Variants in CLDN14 observed in about 807,000 individuals in gnomAD.
CLDN14 encodes claudin-14.
CLDN14 carries 2 observed loss-of-function variants against 2.1 expected under a neutral mutation model. The observed-to-expected ratio is 0.96, with a 90% CI of 0.39 to 3.01. The LOEUF (loss-of-function observed/expected upper bound fraction) is 3.01, where lower values mean the gene tolerates loss of function less well. Ranked by LOEUF, CLDN14 falls within the 30% of genes most tolerant of loss-of-function variation. CLDN14 has a pLI of 0.09. For synonymous variants in CLDN14, 136 were observed against 154.4 expected (o/e 0.88, Z 0.88); for missense variants, 298 against 328.0 (o/e 0.91, Z 0.71).
rs745441972 is a variant in CLDN14, at chr21:36,461,134, C to T, written c.562G>A (p.Glu188Lys). ...GCCTGGTAGGGCCTGTAGGGTGCCT[C>T]GTCCTGGCAGGACAGGCAAAGCAGG... The part of the protein sequence containing the change: ...GTLLCLSCQD[E>K]APYRPYQAPP... Residue 188 changes from glutamate to lysine, a missense_variant, in exon 2 of 2, where the codon GAG (glutamate) becomes AAG (lysine). Glu to Lys is a moderately conservative substitution (Grantham distance 56). Coordinates refer to ENST00000399135, the MANE Select transcript of CLDN14 (RefSeq NM_001146079.2). The T allele has an allele frequency of 1.2e-5, 19 of 1,613,916 alleles. No individual in the cohort carries two copies. Among genetic ancestry groups the T allele is most frequent in the Middle Eastern group, 3.3e-4 (2 of 6,058 alleles).
intron 1 of CLDN14, among the ~76,000 whole-genome samples, chr21:36,549,783 C>T (rs80302687): frequency 0.017 from 2,529 of 152,318 alleles, 29 homozygotes; most frequent in Non-Finnish European, 0.027. Context: ...GGTCTTCACT[C>T]AAGTGTCACC....
intron 1 of CLDN14, among the ~76,000 whole-genome samples, chr21:36,565,349 C>G (rs1047375139): frequency 4.6e-5 from 7 of 152,168 alleles, no homozygotes; most frequent in Non-Finnish European, 7.3e-5. Flanking sequence ...GTCTCAAACA[C>G]CAGAGCCATT....
rs552554268 is a variant in CLDN14, at chr21:36,463,439, C to T, written c.-81-1663G>A. The stretch of plus-strand genomic sequence containing the variant: ...TTGTCAAGAAATCCCCATCGGGGCT[C>T]GGCGGCTCACGCCTGTAATCCCAGC... On this transcript the variant is annotated intron_variant, in intron 1 of 1. Transcript: ENST00000399135. 1.6e-4 allele frequency among the ~76,000 whole-genome samples: 25 copies of T among 152,314 alleles called. No individual in the cohort carries two copies. In the East Asian group the frequency reaches 4.3e-3, roughly 26 times the overall value.
In CLDN14 at chr21:36,544,762, G is replaced by C. The variant is rs2087515733; in HGVS notation, c.-220+31649C>G. ...ATGGGCAGCGATCACGCTGAAATAT[G>C]ATGACAGGGGCAAGACTGCAAGGAC... On this transcript the variant is annotated intron_variant, in intron 1 of 2. Coordinates refer to the CLDN14 transcript ENST00000342108. This position sits in a 1 kb window ranked among gnomAD's most constrained non-coding sequence, Gnocchi z 4.1. Among the ~76,000 whole-genome samples the C allele has an allele frequency of 2.0e-5, 3 of 152,224 alleles. No individual in the cohort carries two copies. Among genetic ancestry groups the C allele is most frequent in the Admixed American group, 2.0e-4 (3 of 15,292 alleles).
chr21:36,519,712 AAAC>A (rs925555183), intron 1 of CLDN14, among the ~76,000 whole-genome samples: 44 of 72,940 alleles, frequency 6.0e-4, no homozygotes, highest in African/African-American at 1.5e-3. Context: ...CCTGTCTAAA[AAAC>A]AACAACAACA....
At chr21:36,510,602 C>T (rs1246694752) in intron 1 of CLDN14, 2 of 152,286 alleles carry the variant, frequency 1.3e-5, no homozygotes, top group Non-Finnish European at 2.9e-5. Context: ...CTGCCTGTGC[C>T]TGTTTCTCTT....
intron 2 of CLDN14, among the ~76,000 whole-genome samples, chr21:36,488,852 C>T (rs868182566): frequency 8.6e-5 from 13 of 151,978 alleles, no homozygotes; most frequent in East Asian, 5.8e-4. Context: ...AAAGAGGCCG[C>T]GCACAGTGGC....
chr21:36,477,812 C>T (rs1343693904), intron 1 of CLDN14, among the ~76,000 whole-genome samples: 2 of 152,218 alleles, frequency 1.3e-5, no homozygotes, highest in Non-Finnish European at 2.9e-5. Context: ...ATTCCCCACA[C>T]TATGTTGCTG....
chr21:36,467,755 T>G (rs1349357951), intron 1 of CLDN14, among the ~76,000 whole-genome samples: 1 of 152,214 alleles, frequency 6.6e-6, no homozygotes, highest in Non-Finnish European at 1.5e-5. Flanking sequence ...TACTGTCACC[T>G]CATCCCTTGC....
At chr21:36,530,516 G>A (rs2087371494) in intron 1 of CLDN14, among the ~76,000 whole-genome samples, 2 of 152,264 alleles carry the variant, frequency 1.3e-5, no homozygotes, top group African/African-American at 4.8e-5. Context: ...GGAGGTCTCT[G>A]TCTTTCTAGA....
chr21:36,515,732 C>T (rs1179028793), intron 1 of CLDN14, among the ~76,000 whole-genome samples: 15 of 149,256 alleles, frequency 1.0e-4, no homozygotes, highest in Non-Finnish European at 1.9e-4. Flanking sequence ...CACTCGGGTA[C>T]TAAAAATACA....
intron 1 of CLDN14, among the ~76,000 whole-genome samples, chr21:36,561,385 C>A (rs2146523941): frequency 6.6e-6 from 1 of 152,328 alleles, no homozygotes; most frequent in South Asian, 2.1e-4. Flanking sequence ...GACCAACGGG[C>A]TACCTCTCTT....
intron 1 of CLDN14, among the ~76,000 whole-genome samples, chr21:36,520,476 A>AG (rs1227958758): frequency 1.1e-4 from 16 of 152,160 alleles, no homozygotes; most frequent in Admixed American, 6.5e-5. Flanking sequence ...AAGTCTCAAA[A>AG]GATCTGATGG....
At position 36,503,626 on chromosome 21, in the gene CLDN14, C is replaced by T. The variant is rs149611120; in HGVS notation, c.-82+6737G>A. 3.3e-3 allele frequency among the ~76,000 whole-genome samples: 501 copies of T among 152,264 alleles called. 3 individuals carry two copies. The highest frequency in any genetic ancestry group is 0.011 in the African/African-American group (468 of 41,552). ...TGGAACTATGAGTTTTCCATGAAATCTCTTTCCTTTGTAAATTGCCCAGTC... is the reference window on the plus strand; with the variant it reads ...TGGAACTATGAGTTTTCCATGAAATTTCTTTCCTTTGTAAATTGCCCAGTC... On this transcript the variant is annotated intron_variant, in intron 2 of 2. Transcript: ENST00000342108.
At chr21:36,543,088 C>T (rs1357049697) in intron 1 of CLDN14, among the ~76,000 whole-genome samples, 2 of 152,226 alleles carry the variant, frequency 1.3e-5, no homozygotes, top group Non-Finnish European at 2.9e-5. Context: ...CAGATTTCAA[C>T]AACCCGCCTC....
At chr21:36,520,995 C>G (rs2087265250) in intron 1 of CLDN14, among the ~76,000 whole-genome samples, 1 of 152,064 alleles carries the variant, frequency 6.6e-6, no homozygotes, top group Non-Finnish European at 1.5e-5. Context: ...CTTCAATTTG[C>G]AAGCTGTGCA....
chr21:36,558,758 TG>T (rs1241418530), intron 1 of CLDN14, among the ~76,000 whole-genome samples: 1 of 110,514 alleles, frequency 9.0e-6, no homozygotes. Context: ...TCTAACAAGG[TG>T]GGGTTTTTTT....
intron 2 of CLDN14, among the ~76,000 whole-genome samples, chr21:36,496,743 AAGGAAGGGAGGGAGGG>A (rs2087023674): frequency 1.5e-3 from 1 of 668 alleles, no homozygotes; most frequent in African/African-American, 4.2e-3. Context: ...GGGAGGGAGG[AAGGAAGGGAGGGAGGG>A]AGGGAGGGAG....
chr21:36,485,835 A>C, intron 2 of CLDN14: 1 of 485,552 alleles, frequency 2.1e-6, no homozygotes, highest in African/African-American at 2.0e-5. Flanking sequence ...CCTGATGGGA[A>C]ATGAGAGGTT....
Sources: allele counts gnomAD v4.1 joint callset (sites outside exome capture counted in the v4.1 genomes callset), GRCh38; gene constraint gnomAD v4.1.1; non-coding constraint Gnocchi (gnomAD v3.1); transcripts MANE v1.5; gene names NCBI Gene and HGNC (gene_info 2026-07-23, HGNC 2026-07-21).